The following TNFAIP8 variants were observed in gnomAD, a reference collection of about 807,000 sequenced individuals.
TNFAIP8 encodes the protein TNF alpha induced protein 8.
In TNFAIP8, 7 loss-of-function variants were observed where a neutral mutation model predicts 13.3. That is an observed-to-expected ratio of 0.52 (90% CI 0.30 to 0.99). TNFAIP8 has a LOEUF of 0.99. TNFAIP8 is among the 50% of genes least tolerant of loss of function. TNFAIP8 has a pLI of 0.07. For missense variants in TNFAIP8, 258 were observed against 236.9 expected (o/e 1.09, Z -0.58); for synonymous variants, 94 against 87.6 (o/e 1.07, Z -0.41).
At chr5:119,333,575 C>G (rs1181881560) in intron 1 of TNFAIP8, 3 of 1,535,406 alleles carry the variant, frequency 2.0e-6, no homozygotes, top group African/African-American at 1.4e-5. Flanking sequence ...ATGACTCTAC[C>G]AAGATACTGT....
At chr5:119,351,378 C>T (rs146806831), upstream of TNFAIP8, among the ~76,000 whole-genome samples, 1 of 147,100 alleles carries the variant, frequency 6.8e-6, no homozygotes, top group East Asian at 1.9e-4. Context: ...AGAAACTATA[C>T]TTTGAACACC....
chr5:119,322,613 G>T (rs754337179), intron 1 of TNFAIP8, among the ~76,000 whole-genome samples: 41 of 152,254 alleles, frequency 2.7e-4, no homozygotes, highest in Non-Finnish European at 4.7e-4. Flanking sequence ...TAGACAGACT[G>T]GTCCTCCATA....
intron 1 of TNFAIP8, among the ~76,000 whole-genome samples, chr5:119,375,044 G>A (rs1382108715): frequency 3.3e-5 from 5 of 152,130 alleles, no homozygotes; most frequent in Non-Finnish European, 5.9e-5. Flanking sequence ...AATTTTATGT[G>A]ATATGAATTT....
At chr5:119,273,374 G>A (rs915404569) in intron 1 of TNFAIP8, among the ~76,000 whole-genome samples, 7 of 152,210 alleles carry the variant, frequency 4.6e-5, no homozygotes, top group African/African-American at 1.7e-4. Flanking sequence ...TGTCATATGT[G>A]ATTTTAGCAT....
Position 119,398,348 on chromosome 5 carries a change from G to T in TNFAIP8, c.*4967G>T, listed in dbSNP as rs1319217499. ...AAGACAATATGTTTCTTTCTACTTT[G>T]GTTTTTCCATTCAAAAGCTTACAGA... On this transcript the variant is annotated 3_prime_UTR_variant, in exon 2 of 2. Coordinates refer to ENST00000504771, the MANE Select transcript of TNFAIP8 (RefSeq NM_014350.4). The T allele has an allele frequency of 6.6e-6, 1 of 152,140 alleles. No individual in the cohort carries two copies. 9.4% of individuals were successfully genotyped at this position (152,140 alleles called of 1,614,324 possible).
At chr5:119,295,611 G>A (rs1379460263) in intron 1 of TNFAIP8, among the ~76,000 whole-genome samples, 3 of 152,090 alleles carry the variant, frequency 2.0e-5, no homozygotes, top group South Asian at 4.2e-4. Flanking sequence ...TTGGCTATGC[G>A]GGCTCTTTTT....
intron 1 of TNFAIP8, among the ~76,000 whole-genome samples, chr5:119,312,209 T>A (rs1164217044): frequency 6.6e-6 from 1 of 152,198 alleles, no homozygotes; most frequent in Non-Finnish European, 1.5e-5. Context: ...GGAGTCTGGT[T>A]TGACACAGCA....
chr5:119,364,890 C>T lies in TNFAIP8; in HGVS notation c.31+8769C>T, dbSNP rs575534962. Among the ~76,000 whole-genome samples, 569 of 114,250 alleles carry T rather than the reference C, an allele frequency of 5.0e-3. 3 individuals carry two copies. Among genetic ancestry groups the T allele is most frequent in the Middle Eastern group, 9.1e-3 (1 of 110 alleles). The allele number at this position is 114,250 out of a possible 152,430, so 75.0% of individuals were successfully genotyped here. A position where few individuals can be genotyped will look rare whatever the true frequency, so the allele number is the denominator to read the frequency against. ...TTTTTGAGATGGAGTCTTGCTCTGT[C>T]GCCCATGCTGGAGTGCAGTGGCGCC... On this transcript the variant is annotated intron_variant, in intron 1 of 1. Coordinates refer to ENST00000504771, the MANE Select transcript of TNFAIP8 (RefSeq NM_014350.4).
At chr5:119,319,179 C>T (rs975782940) in intron 1 of TNFAIP8, among the ~76,000 whole-genome samples, 4 of 152,062 alleles carry the variant, frequency 2.6e-5, no homozygotes, top group Non-Finnish European at 5.9e-5. Context: ...GAGGTGAAGG[C>T]GGGAGAGTCA....
intron 1 of TNFAIP8, among the ~76,000 whole-genome samples, chr5:119,322,274 T>A (rs1368189621): frequency 6.6e-6 from 1 of 152,222 alleles, no homozygotes; most frequent in African/African-American, 2.4e-5. Context: ...CCCAGCACCA[T>A]CAGCAGTGCT....
At chr5:119,368,386 A>AC (rs1417296803) in intron 1 of TNFAIP8, among the ~76,000 whole-genome samples, 3 of 150,364 alleles carry the variant, frequency 2.0e-5, no homozygotes, top group South Asian at 2.1e-4. Context: ...AAAAAAAAAA[A>AC]CCCACACTTT....
chr5:119,326,526 G>T (rs1391716227), intron 1 of TNFAIP8, among the ~76,000 whole-genome samples: 3 of 152,220 alleles, frequency 2.0e-5, no homozygotes, highest in African/African-American at 7.2e-5. Flanking sequence ...CATGGACTCA[G>T]ACCCCTGAGC....
chr5:119,374,963 A>T (rs944886528), intron 1 of TNFAIP8, among the ~76,000 whole-genome samples: 185 of 152,336 alleles, frequency 1.2e-3, no homozygotes, highest in African/African-American at 4.4e-3. Context: ...AGATAGTGGT[A>T]ATAGTTGCAC....
At chr5:119,273,917 C>T (rs895540009) in intron 1 of TNFAIP8, among the ~76,000 whole-genome samples, 3 of 152,190 alleles carry the variant, frequency 2.0e-5, no homozygotes, top group African/African-American at 7.2e-5. Flanking sequence ...TCTGTCAATA[C>T]CCTCTCTAAG....
intron 1 of TNFAIP8, among the ~76,000 whole-genome samples, chr5:119,383,477 G>A (rs773257772): frequency 3.3e-5 from 5 of 152,192 alleles, no homozygotes; most frequent in Non-Finnish European, 5.9e-5. Flanking sequence ...CTGATAATGT[G>A]TGTGTGGGAA....
rs60315927 is a variant in TNFAIP8 at position 119,310,823 on chromosome 5, C to CCAAT, written c.1+41941_1+41944dup. 4.9e-3 allele frequency among the ~76,000 whole-genome samples: 738 copies of CCAAT among 151,912 alleles called. 2 individuals carry two copies. Among genetic ancestry groups the CCAAT allele is most frequent in the East Asian group, 0.014 (73 of 5,146 alleles). ...GCTTGGGTGACAGATCGAGACTCCA[C>CCAAT]CAATCAATCAATCAATCAATCAATC... On this transcript the variant is annotated intron_variant, in intron 1 of 1. Coordinates refer to the TNFAIP8 transcript ENST00000274456.
Position 119,396,415 on chromosome 5 carries a change from A to G in TNFAIP8, c.*3034A>G, listed in dbSNP as rs569047067. On this transcript the variant is annotated 3_prime_UTR_variant, in exon 2 of 2. Coordinates refer to ENST00000504771, the MANE Select transcript of TNFAIP8 (RefSeq NM_014350.4). ...TGGAACTTCACTTCTAGGTGCTCACAATGACTTTTAACGTTGACTTCTGAG... is the reference window on the plus strand; with the variant it reads ...TGGAACTTCACTTCTAGGTGCTCACGATGACTTTTAACGTTGACTTCTGAG... 3.6e-4 allele frequency: 55 copies of G among 152,300 alleles called. No homozygotes were observed. The highest frequency in any genetic ancestry group is 1.2e-3 in the African/African-American group (50 of 41,546). The allele number at this position is 152,300 out of a possible 1,614,324, so 9.4% of individuals were successfully genotyped here. A position where few individuals can be genotyped will look rare whatever the true frequency, so the allele number is the denominator to read the frequency against.
intron 1 of TNFAIP8, among the ~76,000 whole-genome samples, chr5:119,273,524 G>C (rs1748352848): frequency 6.6e-6 from 1 of 152,204 alleles, no homozygotes; most frequent in African/African-American, 2.4e-5. Flanking sequence ...AAGTGAGCCA[G>C]AGCAGGGCAT....
intron 1 of TNFAIP8, among the ~76,000 whole-genome samples, chr5:119,372,827 G>A (rs1752136707): frequency 6.6e-6 from 1 of 152,082 alleles, no homozygotes; most frequent in Non-Finnish European, 1.5e-5. Context: ...CAGGCATGGT[G>A]GCGCACACCT....
Sources: allele counts gnomAD v4.1 joint callset (sites outside exome capture counted in the v4.1 genomes callset), GRCh38; gene constraint gnomAD v4.1.1; transcripts MANE v1.5; gene names NCBI Gene and HGNC (gene_info 2026-07-23, HGNC 2026-07-21).